Variants in MGAT4C observed in about 807,000 individuals in gnomAD.
MGAT4C encodes the protein MGAT4 family member C, also known as alpha-1,3-mannosyl-glycoprotein 4-beta-N-acetylglucosaminyltransferase C.
A neutral mutation model predicts 40.1 loss-of-function variants in MGAT4C; 19 were observed. That is an observed-to-expected ratio of 0.47 (90% CI 0.33 to 0.70). The LOEUF (loss-of-function observed/expected upper bound fraction) is 0.70. Among genes scored for constraint, MGAT4C ranks in the 30% least tolerant of loss-of-function variants. The pLI, the probability that MGAT4C is intolerant of heterozygous loss-of-function variation, is 0.02. For missense variants in MGAT4C, 491 were observed against 563.2 expected, an observed-to-expected ratio of 0.87 and a Z score of 1.30; for synonymous variants, 181 against 187.1, an observed-to-expected ratio of 0.97 and a Z score of 0.27.
chr12:86,383,412 C>T (rs768100793), intron 3 of MGAT4C, among the ~76,000 whole-genome samples: 6 of 151,848 alleles, frequency 4.0e-5, no homozygotes, highest in South Asian at 2.1e-4. Context: ...ATTATCTGGG[C>T]GTGGTGGCAT....
chr12:86,273,996 G>A (rs568724342), intron 4 of MGAT4C, among the ~76,000 whole-genome samples: 7 of 152,158 alleles, frequency 4.6e-5, no homozygotes, highest in Non-Finnish European at 7.3e-5. Context: ...TACAAAGAGC[G>A]TAATGCTGGC....
intron 4 of MGAT4C, among the ~76,000 whole-genome samples, chr12:86,283,149 A>C (rs1004787592): frequency 6.6e-6 from 1 of 151,876 alleles, no homozygotes; most frequent in African/African-American, 2.4e-5. Context: ...CAATGAGAGC[A>C]CTATGCTTTT....
intron 1 of MGAT4C, among the ~76,000 whole-genome samples, chr12:86,071,583 A>G (rs1173624637): frequency 6.6e-6 from 1 of 152,070 alleles, no homozygotes; most frequent in Non-Finnish European, 1.5e-5. Context: ...AGCACATTCT[A>G]TTCACATGTA....
chr12:86,500,349 AAGAG>A (rs1035584962), intron 2 of MGAT4C, among the ~76,000 whole-genome samples: 2 of 151,816 alleles, frequency 1.3e-5, no homozygotes, highest in Admixed American at 6.6e-5. Flanking sequence ...CCCAAAGAGA[AAGAG>A]AGAGAGGAGA....
chr12:86,152,934 T>C (rs2135774374), intron 1 of MGAT4C, among the ~76,000 whole-genome samples: 1 of 152,300 alleles, frequency 6.6e-6, no homozygotes, highest in Admixed American at 6.5e-5. Context: ...TGGGTCTATC[T>C]GTGCTTTAAT....
At chr12:86,830,098 ATGTTGGGTTGCCTATTAATGAC>A (rs1441737091) in intron 1 of MGAT4C, among the ~76,000 whole-genome samples, 2 of 151,508 alleles carry the variant, frequency 1.3e-5, no homozygotes, top group Admixed American at 1.3e-4. Flanking sequence ...GTCTATATCT[ATGTTGGGTTGCCTATTAATGAC>A]TGGAACTGCC....
At chr12:86,811,540 C>T (rs1351794080) in intron 1 of MGAT4C, among the ~76,000 whole-genome samples, 1 of 150,890 alleles carries the variant, frequency 6.6e-6, no homozygotes, top group Non-Finnish European at 1.5e-5. Flanking sequence ...CTGGGTTTCA[C>T]CATGTTGGCC....
chr12:86,628,438 T>G (rs1188550001), intron 2 of MGAT4C, among the ~76,000 whole-genome samples: 4 of 150,356 alleles, frequency 2.7e-5, no homozygotes, highest in Non-Finnish European at 5.9e-5. Flanking sequence ...CCAAGACACA[T>G]AATTGTCAGA....
intron 1 of MGAT4C, among the ~76,000 whole-genome samples, chr12:86,797,235 C>G (rs1190801217): frequency 6.6e-6 from 1 of 151,838 alleles, no homozygotes. Context: ...AAGTCATAAG[C>G]AATTTCAAGC....
intron 2 of MGAT4C, among the ~76,000 whole-genome samples, chr12:86,627,178 A>G (rs1422678382): frequency 6.6e-6 from 1 of 151,876 alleles, no homozygotes; most frequent in Non-Finnish European, 1.5e-5. Flanking sequence ...AGGGGCATCC[A>G]CCATTGCTGA....
At chr12:86,350,707 A>T (rs1304062120) in intron 3 of MGAT4C, among the ~76,000 whole-genome samples, 1 of 152,206 alleles carries the variant, frequency 6.6e-6, no homozygotes, top group East Asian at 1.9e-4. Context: ...TTACATATTC[A>T]GAAATCAATT....
At chr12:86,500,210 TAC>T (rs976336927) in intron 2 of MGAT4C, among the ~76,000 whole-genome samples, 10 of 151,930 alleles carry the variant, frequency 6.6e-5, no homozygotes, top group South Asian at 6.2e-4. Context: ...TGTGTATTTA[TAC>T]ACACACACAT....
rs182057993 is a variant in MGAT4C, at chr12:86,557,007, G to C, written c.-228-121742C>G. On this transcript the variant is annotated intron_variant, in intron 2 of 7. Transcript: ENST00000548651. Reference sequence around the variant, plus strand: ...AAAGACTCATGAAAATATAAGAAGAGTGAAAGGAGGAAAAAATGTAAAAAC... The same window carrying C: ...AAAGACTCATGAAAATATAAGAAGACTGAAAGGAGGAAAAAATGTAAAAAC... Among the ~76,000 whole-genome samples the C allele has an allele frequency of 3.0e-3, 457 of 152,210 alleles. 3 individuals carry two copies. The highest frequency in any genetic ancestry group is 3.0e-3 in the Non-Finnish European group (206 of 68,010).
chr12:86,672,150 G>A (rs1270663643), intron 2 of MGAT4C, among the ~76,000 whole-genome samples: 1 of 151,866 alleles, frequency 6.6e-6, no homozygotes, highest in Non-Finnish European at 1.5e-5. Flanking sequence ...AACTATACAA[G>A]TATATGGAAA....
intron 1 of MGAT4C, among the ~76,000 whole-genome samples, chr12:86,827,487 A>G (rs972017151): frequency 6.6e-6 from 1 of 151,492 alleles, no homozygotes; most frequent in Non-Finnish European, 1.5e-5. Context: ...CAAAAGGAAA[A>G]AGTCATGAGT....
At chr12:86,307,029 A>G (rs1953950800) in intron 4 of MGAT4C, among the ~76,000 whole-genome samples, 1 of 150,464 alleles carries the variant, frequency 6.6e-6, no homozygotes, top group South Asian at 2.1e-4. Context: ...TTTTAGAATG[A>G]TTTTTCTAGT....
chr12:86,402,861 T>A lies in MGAT4C; in HGVS notation c.-120+32296A>T, dbSNP rs139246900. 5.6e-4 allele frequency among the ~76,000 whole-genome samples: 85 copies of A among 152,322 alleles called. 2 individuals are homozygous for A. In the East Asian group the frequency reaches 0.014, roughly 25 times the overall value. On this transcript the variant is annotated intron_variant, in intron 3 of 7. Coordinates refer to the MGAT4C transcript ENST00000548651. ...TAATGTGATTTTAAATTGCAAACTT[T>A]ACTGAAGTAAGAAAAAGTGGAATTA...
At chr12:86,502,369 A>G (rs1051161797) in intron 2 of MGAT4C, among the ~76,000 whole-genome samples, 3 of 151,992 alleles carry the variant, frequency 2.0e-5, no homozygotes, top group African/African-American at 7.2e-5. Flanking sequence ...ATCATTAGGT[A>G]GAACCCAGGG....
chr12:86,403,842 T>C (rs1956415322), intron 3 of MGAT4C, among the ~76,000 whole-genome samples: 1 of 152,164 alleles, frequency 6.6e-6, no homozygotes. Flanking sequence ...AGCATGCATA[T>C]GGCAAGGACA....
Sources: allele counts gnomAD v4.1 joint callset (sites outside exome capture counted in the v4.1 genomes callset), GRCh38; gene constraint gnomAD v4.1.1; transcripts MANE v1.5; gene names NCBI Gene and HGNC (gene_info 2026-07-23, HGNC 2026-07-21).